The following SGSM1 variants were observed in gnomAD, a reference collection of about 807,000 sequenced individuals.
SGSM1 encodes small G protein signaling modulator 1.
In SGSM1, 73 loss-of-function variants were observed where a neutral mutation model predicts 133.8. The observed-to-expected ratio is 0.55, with a 90% CI of 0.45 to 0.66. The LOEUF (loss-of-function observed/expected upper bound fraction) is 0.66, where lower values mean the gene tolerates loss of function less well. Ranked by LOEUF, SGSM1 falls within the 30% of genes least tolerant of loss-of-function variation. The pLI is 0.00. For missense variants in SGSM1, 1,213 were observed against 1,448.1 expected (o/e 0.84, Z 2.64); for synonymous variants, 563 against 573.0 (o/e 0.98, Z 0.25).
At chr22:24,908,086 C>T (rs1323976502) in intron 21 of SGSM1, among the ~76,000 whole-genome samples, 2 of 152,036 alleles carry the variant, frequency 1.3e-5, no homozygotes, top group Non-Finnish European at 2.9e-5. Flanking sequence ...TTGATTTTGA[C>T]AGAGATACTA....
intron 15 of SGSM1, among the ~76,000 whole-genome samples, chr22:24,886,397 C>CAAAA (rs139718): frequency 1.3e-5 from 2 of 151,316 alleles, no homozygotes; most frequent in African/African-American, 2.4e-5. Flanking sequence ...CGCTCTGTCT[C>CAAAA]AAAGAGAAGA....
At position 24,925,396 on chromosome 22, in the gene SGSM1, T is replaced by G. The variant is rs1934166452; in HGVS notation, c.*1122T>G. On this transcript the variant is annotated 3_prime_UTR_variant, in exon 25 of 25. Transcript: ENST00000400358. ...AAGGCACACAAGAGTCCCTCACACATCTCTCTTGGAGTCTGGGATTCCATC... is the reference window on the plus strand; with the variant it reads ...AAGGCACACAAGAGTCCCTCACACAGCTCTCTTGGAGTCTGGGATTCCATC... The G allele has an allele frequency of 6.6e-6, 1 of 151,990 alleles. No homozygotes were observed. Among genetic ancestry groups the G allele is most frequent in the South Asian group, 2.1e-4 (1 of 4,816 alleles). 9.4% of individuals were successfully genotyped at this position (151,990 alleles called of 1,614,324 possible).
chr22:24,808,115 G>GGTTT (rs1369700653), intron 2 of SGSM1, among the ~76,000 whole-genome samples: 1 of 130,948 alleles, frequency 7.6e-6, no homozygotes, highest in African/African-American at 3.0e-5. Context: ...TTTTCTTGGT[G>GGTTT]TTTTTTTTTT....
intron 2 of SGSM1, among the ~76,000 whole-genome samples, chr22:24,835,223 G>A (rs1048822068): frequency 1.3e-5 from 2 of 152,148 alleles, no homozygotes; most frequent in African/African-American, 4.8e-5. Context: ...CCAGGGCAGC[G>A]GGGGTGTCTC....
intron 16 of SGSM1, among the ~76,000 whole-genome samples, chr22:24,891,458 A>G (rs904772167): frequency 4.6e-5 from 7 of 152,172 alleles, no homozygotes; most frequent in African/African-American, 1.7e-4. Context: ...TAATCAGAAA[A>G]GTTGAAGGAG....
intron 9 of SGSM1, among the ~76,000 whole-genome samples, chr22:24,865,275 A>G (rs1569154193): frequency 6.6e-6 from 1 of 152,194 alleles, no homozygotes; most frequent in Non-Finnish European, 1.5e-5. Context: ...AGAGGAGAGG[A>G]CAGGTGGTTG....
chr22:24,911,910 T>C (rs1478707733), intron 21 of SGSM1, among the ~76,000 whole-genome samples: 2 of 151,394 alleles, frequency 1.3e-5, no homozygotes, highest in Non-Finnish European at 2.9e-5. Context: ...AAAAAATTAG[T>C]TGGGCTTGGT....
rs78159269 is a variant in SGSM1, at chr22:24,842,373, C to A, written c.64-2524C>A. Among the ~76,000 whole-genome samples, 662 of 152,276 alleles carry A rather than the reference C, an allele frequency of 4.3e-3. 6 individuals carry two copies. The highest frequency in any genetic ancestry group is 0.014 in the African/African-American group (584 of 41,538). On this transcript the variant is annotated intron_variant, in intron 2 of 24. Transcript: ENST00000400358. The stretch of plus-strand genomic sequence containing the variant: ...TCTGGGCCTCTGTTTCCTCCCCTGA[C>A]AAATAGGGATAATAATGTTACTGCT...
intron 21 of SGSM1, 91 bp from the exon 22 acceptor site, chr22:24,912,552 C>A: frequency 1.2e-6 from 1 of 827,384 alleles, no homozygotes; most frequent in Non-Finnish European, 2.0e-6. Flanking sequence ...CATTGGAGGT[C>A]ATATTTCAAC....
At chr22:24,815,819 G>T (rs893948778) in intron 2 of SGSM1, among the ~76,000 whole-genome samples, 14 of 152,162 alleles carry the variant, frequency 9.2e-5, no homozygotes, top group Non-Finnish European at 1.3e-4. Flanking sequence ...ATGCAGTCAT[G>T]CTGGGTAAGG....
Position 24,847,805 on chromosome 22 carries a change from A to G in SGSM1, c.302+9A>G. 1.2e-6 allele frequency: 2 copies of G among 1,613,034 alleles called. No individual in the cohort carries two copies. ...CAGCTGATCGAGAGCGCGTGAGTGCAAAGCATGGGGCACAGGTGGGAGCAG... is the reference window on the plus strand; with the variant it reads ...CAGCTGATCGAGAGCGCGTGAGTGCGAAGCATGGGGCACAGGTGGGAGCAG... On this transcript the variant is annotated intron_variant, in intron 4 of 24. Coordinates refer to ENST00000400358, the MANE Select transcript of SGSM1 (RefSeq NM_001098497.3).
chr22:24,829,228 C>A (rs1008853315), intron 2 of SGSM1, among the ~76,000 whole-genome samples: 1 of 151,672 alleles, frequency 6.6e-6, no homozygotes, highest in Admixed American at 6.6e-5. Context: ...TCATATCCTT[C>A]GCAGGAGCAG....
At chr22:24,860,276 G>A (rs577072487) in intron 9 of SGSM1, among the ~76,000 whole-genome samples, 2 of 152,250 alleles carry the variant, frequency 1.3e-5, no homozygotes, top group South Asian at 2.1e-4. Context: ...AAAGGCTTTC[G>A]AGTCACACTT....
At chr22:24,909,381 G>A (rs1933534591) in intron 21 of SGSM1, among the ~76,000 whole-genome samples, 2 of 152,100 alleles carry the variant, frequency 1.3e-5, no homozygotes, top group South Asian at 4.1e-4. Context: ...ATAAGAATAT[G>A]GAGAAATTGG....
chr22:24,902,751 G>A (rs1338088578), intron 20 of SGSM1, among the ~76,000 whole-genome samples: 1 of 151,856 alleles, frequency 6.6e-6, no homozygotes, highest in African/African-American at 2.4e-5. Context: ...AGTAACCCAT[G>A]CTTGTTAAAA....
chr22:24,838,327 A>C (rs116637250), intron 2 of SGSM1, among the ~76,000 whole-genome samples: 3,148 of 152,332 alleles, frequency 0.021, 124 homozygotes, highest in African/African-American at 0.072. Context: ...AAGGGAGCTC[A>C]GTCTCAAATC....
chr22:24,884,094 C>T lies in SGSM1; in HGVS notation c.1537C>T (p.Leu513=). Residue 513 remains leucine, a synonymous_variant, in exon 15 of 25, where the codon CTA becomes TTA. Transcript: ENST00000400358. ...CRHLSTVRTH[L]SALVNHMIVS... is the part of the protein sequence containing the mutation. ...ACACCTGTCCACCGTGAGAACCCAC[C>T]TATCAGCCCTGGTCAATCACATGAT... The T allele has an allele frequency of 6.2e-7, 1 of 1,613,610 alleles. No individual in the cohort carries two copies. Among genetic ancestry groups the T allele is most frequent in the Non-Finnish European group, 8.5e-7 (1 of 1,179,764 alleles).
chr22:24,904,932 G>T (rs1933316948), intron 20 of SGSM1, among the ~76,000 whole-genome samples, 173 bp from the exon 21 acceptor site: 1 of 152,112 alleles, frequency 6.6e-6, no homozygotes, highest in African/African-American at 2.4e-5. Flanking sequence ...AGGTCATCCT[G>T]GTGGCTGCAC....
intron 10 of SGSM1, 85 bp downstream of exon 10, chr22:24,867,245 T>G: frequency 1.5e-6 from 2 of 1,308,506 alleles, no homozygotes; most frequent in Middle Eastern, 1.8e-4. Flanking sequence ...ATTAGCATCA[T>G]GAGCGAATGA....
Sources: allele counts gnomAD v4.1 joint callset (sites outside exome capture counted in the v4.1 genomes callset), GRCh38; gene constraint gnomAD v4.1.1; transcripts MANE v1.5; gene names NCBI Gene and HGNC (gene_info 2026-07-23, HGNC 2026-07-21).